HTR7: variants seen among roughly 807,000 people sequenced by gnomAD.
HTR7 encodes the protein 5-HT-7.
HTR7 carries 16 observed loss-of-function variants against 34.0 expected under a neutral mutation model. The ratio of observed to expected loss-of-function variants is 0.47; its 90% confidence interval spans 0.32 to 0.71. HTR7 has a LOEUF of 0.71. Among genes scored for constraint, HTR7 ranks in the 30% least tolerant of loss-of-function variants. The probability of loss-of-function intolerance (pLI) is 0.04; values close to 1 mark genes in which losing one functional copy is unlikely to be tolerated. For missense variants in HTR7, 504 were observed against 625.5 expected (o/e 0.81, Z 2.07); for synonymous variants, 265 against 260.2 (o/e 1.02, Z -0.18).
intron 1 of HTR7, among the ~76,000 whole-genome samples, chr10:90,777,292 C>G (rs1398487768): frequency 6.6e-6 from 1 of 151,880 alleles, no homozygotes; most frequent in East Asian, 1.9e-4. Context: ...ACCAGCCTGA[C>G]CAACATGGTG....
At chr10:90,805,480 T>C (rs1248626311) in intron 1 of HTR7, among the ~76,000 whole-genome samples, 2 of 152,216 alleles carry the variant, frequency 1.3e-5, no homozygotes, top group African/African-American at 4.8e-5. Flanking sequence ...GGGAAGACAG[T>C]GTCTTAAAGT....
chr10:90,802,946 A>G (rs1044503123), intron 1 of HTR7, among the ~76,000 whole-genome samples: 2 of 149,716 alleles, frequency 1.3e-5, no homozygotes, highest in Non-Finnish European at 2.9e-5. Context: ...AACTGAGACC[A>G]TAGAGTATAT....
chr10:90,815,090 T>C (rs971174438), intron 1 of HTR7, among the ~76,000 whole-genome samples: 3 of 151,998 alleles, frequency 2.0e-5, no homozygotes, highest in Non-Finnish European at 4.4e-5. Flanking sequence ...TTTTGTTTTT[T>C]TTTTTGTTTT....
intron 1 of HTR7, among the ~76,000 whole-genome samples, chr10:90,778,861 C>T (rs1845264090): frequency 6.6e-6 from 1 of 152,178 alleles, no homozygotes; most frequent in Non-Finnish European, 1.5e-5. Context: ...CAAGTCTGAA[C>T]TTGAATTTTT....
chr10:90,835,891 G>A (rs1846245333), intron 1 of HTR7, among the ~76,000 whole-genome samples: 1 of 152,062 alleles, frequency 6.6e-6, no homozygotes, highest in Admixed American at 6.6e-5. Context: ...CAAGGGTAGA[G>A]CACTCCAAGC....
chr10:90,834,758 C>A (rs2120066676), intron 1 of HTR7, among the ~76,000 whole-genome samples: 1 of 152,238 alleles, frequency 6.6e-6, no homozygotes, highest in Non-Finnish European at 1.5e-5. Flanking sequence ...CTCCAATGAA[C>A]CCCCCTTTTC....
intron 1 of HTR7, among the ~76,000 whole-genome samples, chr10:90,814,721 G>A (rs1845872233): frequency 6.6e-6 from 1 of 152,204 alleles, no homozygotes. Context: ...AATAGAAACT[G>A]ATGGGGTTAA....
At chr10:90,754,376 AC>A (rs1449446433) in intron 1 of HTR7, among the ~76,000 whole-genome samples, 8 of 152,032 alleles carry the variant, frequency 5.3e-5, no homozygotes, top group African/African-American at 1.9e-4. Flanking sequence ...GATAAATCTT[AC>A]CTTCAAGGGT....
intron 1 of HTR7, among the ~76,000 whole-genome samples, chr10:90,826,713 G>A (rs4086734): frequency 0.21 from 32,410 of 151,874 alleles, 4,464 homozygotes; most frequent in African/African-American, 0.38. Flanking sequence ...TGAGGCGGGC[G>A]GATCACGAGC....
At chr10:90,774,714 C>G (rs1257279441) in intron 1 of HTR7, among the ~76,000 whole-genome samples, 2 of 152,150 alleles carry the variant, frequency 1.3e-5, no homozygotes, top group Admixed American at 1.3e-4. Flanking sequence ...GTGCATGGGC[C>G]CCACAGCCCC....
chr10:90,748,769 G>T, intron 2 of HTR7, 70 bp downstream of exon 2: 1 of 1,484,182 alleles, frequency 6.7e-7, no homozygotes, highest in Non-Finnish European at 9.1e-7. Flanking sequence ...GAAGCTTTCT[G>T]TGATGTGCCT....
intron 1 of HTR7, among the ~76,000 whole-genome samples, chr10:90,837,893 G>A (rs145568779): frequency 6.6e-4 from 101 of 152,184 alleles, no homozygotes; most frequent in African/African-American, 2.4e-3. Context: ...TGACTTCAAG[G>A]TCACCAATTT....
chr10:90,782,672 G>T (rs1200584182), intron 1 of HTR7, among the ~76,000 whole-genome samples: 1 of 152,232 alleles, frequency 6.6e-6, no homozygotes, highest in South Asian at 2.1e-4. Context: ...ACTCAACAAA[G>T]ATCTTCCAAA....
At chr10:90,814,196 A>G (rs981617092) in intron 1 of HTR7, among the ~76,000 whole-genome samples, 1 of 152,206 alleles carries the variant, frequency 6.6e-6, no homozygotes, top group African/African-American at 2.4e-5. Flanking sequence ...AAGGGGAACT[A>G]TCCAACTCTA....
chr10:90,808,968 A>G (rs12783410), intron 1 of HTR7, among the ~76,000 whole-genome samples: 78,758 of 151,868 alleles, frequency 0.52, 21,027 homozygotes, highest in African/African-American at 0.67. Flanking sequence ...TTTACACATC[A>G]GTCCCTTCCT....
chr10:90,784,445 A>C (rs896197067), intron 1 of HTR7, among the ~76,000 whole-genome samples: 1 of 152,208 alleles, frequency 6.6e-6, no homozygotes, highest in African/African-American at 2.4e-5. Flanking sequence ...CCTCCCCTAC[A>C]GGACTATGTC....
chr10:90,806,102 T>C (rs1295195472), intron 1 of HTR7, among the ~76,000 whole-genome samples: 3 of 152,188 alleles, frequency 2.0e-5, no homozygotes, highest in East Asian at 3.8e-4. Flanking sequence ...GTAAAGGTTA[T>C]AAATAACATG....
At chr10:90,853,573 G>A (rs1285788746) in intron 1 of HTR7, among the ~76,000 whole-genome samples, 1 of 151,512 alleles carries the variant, frequency 6.6e-6, no homozygotes, top group African/African-American at 2.4e-5. Flanking sequence ...CCAAAGTGCT[G>A]GGATTACAGT....
At chr10:90,772,909 G>A (rs939638819) in intron 1 of HTR7, among the ~76,000 whole-genome samples, 3 of 152,086 alleles carry the variant, frequency 2.0e-5, no homozygotes, top group Admixed American at 6.5e-5. Context: ...AGGAAACTGA[G>A]GCTCAGAAAG....
Sources: allele counts gnomAD v4.1 joint callset (sites outside exome capture counted in the v4.1 genomes callset), GRCh38; gene constraint gnomAD v4.1.1; transcripts MANE v1.5; gene names NCBI Gene and HGNC (gene_info 2026-07-23, HGNC 2026-07-21).